Variants in DOP1A observed in about 807,000 individuals in gnomAD.
DOP1A encodes the protein protein DOP1A.
DOP1A carries 90 observed loss-of-function variants against 267.6 expected under a neutral mutation model. That is an observed-to-expected ratio of 0.34 (90% CI 0.28 to 0.40). The LOEUF (loss-of-function observed/expected upper bound fraction) is 0.40, where lower values mean the gene tolerates loss of function less well. Ranked by LOEUF, DOP1A falls within the 10% of genes least tolerant of loss-of-function variation. DOP1A has a pLI of 1.00. For synonymous variants in DOP1A, 932 were observed against 999.1 expected, an observed-to-expected ratio of 0.93 and a Z score of 1.27; for missense variants, 2,437 against 2,900.4, an observed-to-expected ratio of 0.84 and a Z score of 3.67.
chr6:83,110,127 C>T lies in DOP1A; in HGVS notation c.494C>T (p.Thr165Ile), dbSNP rs1325867733. The change falls in exon 6 of 39, where the codon ACA becomes ATA. Residue 165 changes from threonine (T) to isoleucine (I), a missense_variant and splice_region_variant. Physicochemically the swap from Thr to Ile is moderately conservative, Grantham distance 89 (BLOSUM62 -1). This residue lies in a region of DOP1A where 251 missense variants were observed against 359.1 expected (regional missense o/e 0.70). Transcript: ENST00000349129. ...LEEGSEYYER[T>I]NMLLEKVAAA... ...AAACCACTTTATTTATACCTCAGAA[C>T]AAATATGTTGTTGGAAAAGGTTGCT... 1.3e-6 allele frequency: 2 copies of T among 1,594,286 alleles called. No individual in the cohort carries two copies. Among genetic ancestry groups the T allele is most frequent in the South Asian group, 1.2e-5 (1 of 86,546 alleles).
chr6:83,134,725 TTGTAGC>T (rs1450882114), intron 19 of DOP1A, among the ~76,000 whole-genome samples: 1 of 152,172 alleles, frequency 6.6e-6, no homozygotes, highest in Non-Finnish European at 1.5e-5. Context: ...TCCAGAGAAC[TTGTAGC>T]TGCCTGAGAG....
At chr6:83,076,750 G>T (rs9344336) in intron 1 of DOP1A, among the ~76,000 whole-genome samples, 119,691 of 152,100 alleles carry the variant, frequency 0.79, 47,203 homozygotes, top group South Asian at 0.84. Context: ...CTCTCTAAAT[G>T]CAGCAATCCC....
At chr6:83,074,839 G>A (rs753693787) in intron 1 of DOP1A, among the ~76,000 whole-genome samples, 13 of 152,196 alleles carry the variant, frequency 8.5e-5, no homozygotes, top group East Asian at 1.9e-4. Flanking sequence ...GGAAGGCCAA[G>A]GCCAGAGGAT....
At chr6:83,082,898 C>T (rs773654301) in intron 1 of DOP1A, among the ~76,000 whole-genome samples, 1 of 151,706 alleles carries the variant, frequency 6.6e-6, no homozygotes, top group Non-Finnish European at 1.5e-5. Context: ...CCCTCTGCCT[C>T]CTGGGTTCAA....
intron 35 of DOP1A, among the ~76,000 whole-genome samples, chr6:83,157,746 C>A (rs1049811811): frequency 6.6e-6 from 1 of 152,114 alleles, no homozygotes; most frequent in Non-Finnish European, 1.5e-5. Context: ...AGCACCTACC[C>A]CATTTAAACT....
chr6:83,068,562 C>CA lies in DOP1A; in HGVS notation c.-147+791dup, dbSNP rs530253765. Among the ~76,000 whole-genome samples, 9 of 151,530 alleles carry CA rather than the reference C, an allele frequency of 5.9e-5. No individual in the cohort carries two copies. The South Asian group carries it at 6.2e-4, about 11-fold the overall frequency. ...TGACTTCGACTCCAGCTAAAGCAGT[C>CA]AAAAAAAATGATAATTACCAAAAAT... On this transcript the variant is annotated intron_variant, in intron 1 of 38. Transcript: ENST00000349129.
intron 36 of DOP1A, among the ~76,000 whole-genome samples, 195 bp downstream of exon 36, chr6:83,158,817 T>C (rs922577182): frequency 3.3e-5 from 5 of 152,204 alleles, no homozygotes; most frequent in Non-Finnish European, 2.9e-5. Context: ...TCAGCATTCA[T>C]TGCCCTGGGC....
intron 1 of DOP1A, among the ~76,000 whole-genome samples, chr6:83,091,547 T>C (rs918265529): frequency 6.6e-6 from 1 of 152,196 alleles, no homozygotes; most frequent in African/African-American, 2.4e-5. Flanking sequence ...TGTAGATGCA[T>C]ACAAGAGTTA....
chr6:83,087,044 G>C (rs1051867656), intron 1 of DOP1A, among the ~76,000 whole-genome samples: 28 of 152,178 alleles, frequency 1.8e-4, no homozygotes, highest in African/African-American at 6.8e-4. Context: ...GAGGAGACCA[G>C]ATTCAGAACA....
At chr6:83,071,454 C>A (rs1272920297) in intron 1 of DOP1A, among the ~76,000 whole-genome samples, 1 of 152,084 alleles carries the variant, frequency 6.6e-6, no homozygotes, top group African/African-American at 2.4e-5. Context: ...TTATCCGCCT[C>A]GCCTCTGCCT....
intron 4 of DOP1A, among the ~76,000 whole-genome samples, chr6:83,102,553 C>A (rs749076935): frequency 2.0e-4 from 31 of 152,356 alleles, no homozygotes; most frequent in Admixed American, 5.2e-4. Flanking sequence ...TCAAATACAT[C>A]TACTTCCCTG....
intron 1 of DOP1A, among the ~76,000 whole-genome samples, chr6:83,089,964 T>A (rs1383659452): frequency 6.6e-6 from 1 of 152,188 alleles, no homozygotes; most frequent in Non-Finnish European, 1.5e-5. Flanking sequence ...TTGGCAATAA[T>A]ACTACATTTT....
chr6:83,094,876 T>G (rs1284266519), intron 1 of DOP1A, among the ~76,000 whole-genome samples: 2 of 152,312 alleles, frequency 1.3e-5, no homozygotes, highest in South Asian at 4.1e-4. Flanking sequence ...TTACTTCTGA[T>G]GAAGTCCAAT....
intron 12 of DOP1A, 84 bp downstream of exon 12, chr6:83,123,066 T>C (rs993769033): frequency 6.3e-6 from 9 of 1,422,028 alleles, no homozygotes; most frequent in Non-Finnish European, 8.5e-6. Context: ...ATTTAATGAA[T>C]GTTCTTTTAT....
chr6:83,100,967 A>G, intron 4 of DOP1A, 81 bp downstream of exon 4: 3 of 988,058 alleles, frequency 3.0e-6, no homozygotes, highest in Non-Finnish European at 4.0e-6. Context: ...CTGCACTAAA[A>G]ACTAAAAATT....
intron 38 of DOP1A, chr6:83,164,953 A>C (rs1785104336): frequency 2.3e-6 from 1 of 437,744 alleles, no homozygotes; most frequent in African/African-American, 2.1e-5. Context: ...ACTCTGAATC[A>C]AGTGTATTCT....
In DOP1A at chr6:83,162,773, C is replaced by T. The variant is rs1463738931; in HGVS notation, c.6963-17C>T. On this transcript the variant is annotated splice_polypyrimidine_tract_variant and intron_variant, in intron 37 of 38. Transcript: ENST00000349129. ...AAGTCTGTCTTACTGATGCTGATGT[C>T]ATTATTCTATACATAGGTACCGATG... 6.3e-7 allele frequency: 1 copy of T among 1,596,584 alleles called. No individual in the cohort carries two copies. Among genetic ancestry groups the T allele is most frequent in the Non-Finnish European group, 8.5e-7 (1 of 1,172,032 alleles).
chr6:83,069,287 A>G (rs1016027561), intron 1 of DOP1A, among the ~76,000 whole-genome samples: 1 of 152,232 alleles, frequency 6.6e-6, no homozygotes, highest in African/African-American at 2.4e-5. Flanking sequence ...GCAGTGTTCA[A>G]TGGCAAATAA....
In DOP1A at chr6:83,119,668, G is replaced by T. The variant is rs1562319756; in HGVS notation, c.881-80G>T. The T allele has an allele frequency of 2.6e-6, 3 of 1,142,396 alleles. No individual in the cohort carries two copies. The Middle Eastern group carries it at 6.2e-4, about 235-fold the overall frequency. The allele number at this position is 1,142,396 out of a possible 1,614,324, so 70.8% of individuals were successfully genotyped here. A position where few individuals can be genotyped will look rare whatever the true frequency, so the allele number is the denominator to read the frequency against. On this transcript the variant is annotated intron_variant, in intron 8 of 38. Transcript: ENST00000349129. ...TGGTAAGTGTTTAGTGCTGTTCTGA[G>T]ATTTTGCTGTTTTGGTATTTAGTGA...
Sources: gnomAD v4.1 joint callset for allele counts (sites outside exome capture counted in the v4.1 genomes callset) on GRCh38, gnomAD v4.1.1 for gene constraint, gnomAD v4.1.1 regional missense constraint, MANE v1.5 for transcripts, NCBI Gene and HGNC (gene_info 2026-07-23, HGNC 2026-07-21) for gene names.